UBE2E2: variants seen among roughly 807,000 people sequenced by gnomAD.
The protein encoded by UBE2E2 is ubiquitin-conjugating enzyme E2 E2.
Under a neutral mutation model 24.7 loss-of-function variants are expected in UBE2E2, and 6 were observed. That is an observed-to-expected ratio of 0.24 (90% CI 0.13 to 0.48). The LOEUF is 0.48. Ranked by LOEUF, UBE2E2 falls within the 20% of genes least tolerant of loss-of-function variation. UBE2E2 has a pLI of 0.99. For missense variants in UBE2E2, 169 were observed against 245.0 expected (o/e 0.69, Z 2.07); for synonymous variants, 104 against 83.6 (o/e 1.24, Z -1.33).
At chr3:23,445,401 T>C (rs1192914105) in intron 3 of UBE2E2, among the ~76,000 whole-genome samples, 1 of 152,200 alleles carries the variant, frequency 6.6e-6, no homozygotes. Context: ...TCTAGGCCCC[T>C]GATCAAACAG....
chr3:23,584,717 CTGTTTTT>C (rs1559430097), intron 5 of UBE2E2, among the ~76,000 whole-genome samples: 2 of 108,242 alleles, frequency 1.8e-5, no homozygotes, highest in Non-Finnish European at 3.7e-5. Flanking sequence ...CCACACCCAG[CTGTTTTT>C]TGTTTTTTTT....
chr3:23,363,273 A>C (rs1045558434), intron 3 of UBE2E2, among the ~76,000 whole-genome samples: 1 of 152,220 alleles, frequency 6.6e-6, no homozygotes, highest in Non-Finnish European at 1.5e-5. Flanking sequence ...TAACAACATG[A>C]TGATGAAATC....
At chr3:23,312,081 A>G (rs943076229) in intron 3 of UBE2E2, among the ~76,000 whole-genome samples, 16 of 151,948 alleles carry the variant, frequency 1.1e-4, no homozygotes, top group African/African-American at 2.9e-4. Context: ...AAAAGTATGT[A>G]GCACCTCCCT....
rs527801829 is a variant in UBE2E2, at chr3:23,394,582, G to A, written c.228-105026G>A. The stretch of plus-strand genomic sequence containing the variant: ...TGGCAGTGAGGACTTGAGGTATCAG[G>A]ATTCTAGAGAAGGAAGTACAGAGGG... On this transcript the variant is annotated intron_variant, in intron 3 of 5. Transcript: ENST00000396703. 2.6e-5 allele frequency among the ~76,000 whole-genome samples: 4 copies of A among 152,276 alleles called. No homozygotes were observed. In the South Asian group the frequency reaches 8.3e-4, roughly 32 times the overall value.
chr3:23,515,799 GA>G (rs201490292), intron 4 of UBE2E2, among the ~76,000 whole-genome samples: 40,716 of 120,494 alleles, frequency 0.34, 5,928 homozygotes, highest in African/African-American at 0.43. Context: ...TCTACAAAAA[GA>G]AAAAAAAAAA....
chr3:23,342,922 T>A (rs1018861450), intron 3 of UBE2E2, among the ~76,000 whole-genome samples: 1 of 152,138 alleles, frequency 6.6e-6, no homozygotes, highest in African/African-American at 2.4e-5. Context: ...TAGGACAAAT[T>A]TTGAAGATAA....
intron 3 of UBE2E2, among the ~76,000 whole-genome samples, chr3:23,428,023 T>C (rs565322088): frequency 6.6e-6 from 1 of 152,258 alleles, no homozygotes; most frequent in Non-Finnish European, 1.5e-5. Flanking sequence ...AGGCAGAAAA[T>C]TAGTGAGGAC....
At chr3:23,311,431 C>T (rs999125271) in intron 3 of UBE2E2, among the ~76,000 whole-genome samples, 1 of 152,138 alleles carries the variant, frequency 6.6e-6, no homozygotes, top group East Asian at 1.9e-4. Context: ...GTTCCAGATC[C>T]TTGAGGAACC....
Position 23,351,742 on chromosome 3 carries a change from T to G in UBE2E2, c.227+134430T>G, listed in dbSNP as rs559896485. Among the ~76,000 whole-genome samples, 14 of 152,228 alleles carry G rather than the reference T, an allele frequency of 9.2e-5. No individual in the cohort carries two copies. The East Asian group carries it at 1.2e-3, about 13-fold the overall frequency. ...CACCCAGATTCATAAAGCAAGTCCTTAGTGACATACAAAGAGACTTAGACT... is the reference window on the plus strand; with the variant it reads ...CACCCAGATTCATAAAGCAAGTCCTGAGTGACATACAAAGAGACTTAGACT... On this transcript the variant is annotated intron_variant, in intron 3 of 5. Coordinates refer to ENST00000396703, the MANE Select transcript of UBE2E2 (RefSeq NM_152653.4).
intron 3 of UBE2E2, among the ~76,000 whole-genome samples, chr3:23,315,089 G>A (rs1481379619): frequency 6.6e-6 from 1 of 151,938 alleles, no homozygotes; most frequent in African/African-American, 2.4e-5. Context: ...GTAACTCTTA[G>A]GTTTGCCCTT....
intron 3 of UBE2E2, among the ~76,000 whole-genome samples, chr3:23,275,061 A>G (rs1430492193): frequency 2.0e-5 from 3 of 152,208 alleles, no homozygotes; most frequent in African/African-American, 7.2e-5. Context: ...TACTGTGTGT[A>G]AAGCGTTGTG....
intron 3 of UBE2E2, among the ~76,000 whole-genome samples, chr3:23,424,277 G>A (rs949202334): frequency 3.3e-5 from 5 of 152,112 alleles, no homozygotes; most frequent in African/African-American, 1.2e-4. Context: ...AAATACAGCA[G>A]AGACTTGCAG....
At chr3:23,424,123 A>G (rs757370873) in intron 3 of UBE2E2, among the ~76,000 whole-genome samples, 218 of 152,362 alleles carry the variant, frequency 1.4e-3, no homozygotes, top group Non-Finnish European at 2.0e-3. Flanking sequence ...ACTAAATTCC[A>G]CAGTTATTTA....
At chr3:23,256,756 G>A (rs1260921465) in intron 3 of UBE2E2, among the ~76,000 whole-genome samples, 1 of 152,140 alleles carries the variant, frequency 6.6e-6, no homozygotes, top group Non-Finnish European at 1.5e-5. Flanking sequence ...TCACGTGGGA[G>A]CTTTATCTAC....
At chr3:23,504,137 T>A (rs1694375643) in intron 4 of UBE2E2, among the ~76,000 whole-genome samples, 1 of 152,186 alleles carries the variant, frequency 6.6e-6, no homozygotes, top group Non-Finnish European at 1.5e-5. Flanking sequence ...CCTGTACATA[T>A]ATATACATAA....
At chr3:23,468,741 A>C (rs1322555311) in intron 3 of UBE2E2, among the ~76,000 whole-genome samples, 1 of 152,218 alleles carries the variant, frequency 6.6e-6, no homozygotes, top group Non-Finnish European at 1.5e-5. Flanking sequence ...CTGAAGATTG[A>C]AATCTTGGCT....
chr3:23,241,715 C>T (rs151184682), intron 3 of UBE2E2, among the ~76,000 whole-genome samples: 1 of 152,282 alleles, frequency 6.6e-6, no homozygotes, highest in East Asian at 1.9e-4. Context: ...TTATGATTAA[C>T]TGTGTTGTGT....
In UBE2E2 at chr3:23,407,389, T is replaced by C. The variant is rs1017441260; in HGVS notation, c.228-92219T>C. Among the ~76,000 whole-genome samples the C allele has an allele frequency of 2.0e-4, 30 of 152,168 alleles. No individual in the cohort carries two copies. The highest frequency in any genetic ancestry group is 6.8e-4 in the African/African-American group (28 of 41,438). Reference sequence around the variant, plus strand: ...AGATCCCAGTGTCCACAAATGTAAATGATATATTGACATCTTGACATCTTG... The same window carrying C: ...AGATCCCAGTGTCCACAAATGTAAACGATATATTGACATCTTGACATCTTG... On this transcript the variant is annotated intron_variant, in intron 3 of 5. Coordinates refer to ENST00000396703, the MANE Select transcript of UBE2E2 (RefSeq NM_152653.4). The surrounding 1 kb of genome is among the most constrained non-coding windows in gnomAD (Gnocchi z 4.0).
intron 3 of UBE2E2, among the ~76,000 whole-genome samples, chr3:23,291,099 G>C (rs534285905): frequency 2.5e-4 from 37 of 148,180 alleles, no homozygotes; most frequent in Non-Finnish European, 4.9e-4. Flanking sequence ...CGTGAGCCTA[G>C]GGCTGCTTCT....
Sources: allele counts gnomAD v4.1 joint callset (sites outside exome capture counted in the v4.1 genomes callset), GRCh38; gene constraint gnomAD v4.1.1; non-coding constraint Gnocchi (gnomAD v3.1); transcripts MANE v1.5; gene names NCBI Gene and HGNC (gene_info 2026-07-23, HGNC 2026-07-21).